MARCHF1: variants seen among roughly 807,000 people sequenced by gnomAD.
MARCHF1 encodes the protein membrane associated ring-CH-type finger 1.
A neutral mutation model predicts 54.2 loss-of-function variants in MARCHF1; 40 were observed. That is an observed-to-expected ratio of 0.74 (90% CI 0.57 to 0.96). The LOEUF is 0.96. Ranked by LOEUF, MARCHF1 falls within the 40% of genes least tolerant of loss-of-function variation. MARCHF1 has a pLI of 0.00. For missense variants in MARCHF1, 586 were observed against 656.5 expected (o/e 0.89, Z 1.17); for synonymous variants, 236 against 236.3 (o/e 1.00, Z 0.01).
intron 1 of MARCHF1, among the ~76,000 whole-genome samples, chr4:164,377,588 T>TA (rs1459815790): frequency 9.1e-6 from 1 of 110,270 alleles, no homozygotes; most frequent in Non-Finnish European, 2.0e-5. Context: ...CCTTACTTTT[T>TA]ATGCACACAC....
chr4:163,674,910 T>C (rs1386343457), intron 5 of MARCHF1, among the ~76,000 whole-genome samples: 1 of 152,172 alleles, frequency 6.6e-6, no homozygotes, highest in African/African-American at 2.4e-5. Context: ...CTGGATATAC[T>C]TGAAGAATAT....
chr4:163,763,991 G>T (rs1456581941), intron 4 of MARCHF1, among the ~76,000 whole-genome samples: 2 of 151,914 alleles, frequency 1.3e-5, no homozygotes, highest in East Asian at 1.9e-4. Flanking sequence ...TTTTCTTGTA[G>T]AACTAAATAC....
chr4:164,099,183 G>T (rs1215222392), intron 2 of MARCHF1, among the ~76,000 whole-genome samples: 1 of 152,144 alleles, frequency 6.6e-6, no homozygotes, highest in African/African-American at 2.4e-5. Flanking sequence ...ATCCACAGGA[G>T]ACCCAGAGAA....
chr4:163,952,322 G>A (rs1186765899), intron 3 of MARCHF1, among the ~76,000 whole-genome samples: 1 of 151,940 alleles, frequency 6.6e-6, no homozygotes, highest in African/African-American at 2.4e-5. Flanking sequence ...ATCTCTGTTG[G>A]GTAGACTTCT....
At chr4:163,573,447 T>A in intron 8 of MARCHF1, among the ~76,000 whole-genome samples, 1 of 143,212 alleles carries the variant, frequency 7.0e-6, no homozygotes, top group African/African-American at 2.5e-5. Context: ...TATCTCCCAG[T>A]GCTATCCCTC....
At chr4:163,732,173 A>G (rs1045926911) in intron 4 of MARCHF1, among the ~76,000 whole-genome samples, 2 of 151,378 alleles carry the variant, frequency 1.3e-5, no homozygotes, top group Non-Finnish European at 2.9e-5. Flanking sequence ...TCATATAATT[A>G]TATTATTAAT....
intron 2 of MARCHF1, among the ~76,000 whole-genome samples, chr4:164,000,438 GA>G (rs1340140293): frequency 6.6e-6 from 1 of 150,528 alleles, no homozygotes; most frequent in Non-Finnish European, 1.5e-5. Context: ...GTTTTGGATG[GA>G]AAATTCAATA....
intron 4 of MARCHF1, among the ~76,000 whole-genome samples, chr4:163,844,514 G>A (rs954067911): frequency 2.0e-5 from 3 of 152,080 alleles, no homozygotes; most frequent in African/African-American, 7.2e-5. Flanking sequence ...ATGTGACTAC[G>A]TTAATGAGGA....
intron 2 of MARCHF1, among the ~76,000 whole-genome samples, chr4:164,033,915 C>T (rs975601378): frequency 2.0e-5 from 3 of 152,104 alleles, no homozygotes; most frequent in Non-Finnish European, 2.9e-5. Context: ...CCAGTGATCT[C>T]ATTACTGGGT....
At chr4:164,263,252 C>A (rs1236622318) in intron 1 of MARCHF1, among the ~76,000 whole-genome samples, 1 of 151,984 alleles carries the variant, frequency 6.6e-6, no homozygotes. Context: ...GAAAAACACA[C>A]ATAGGGAGGA....
chr4:163,720,316 T>G (rs1230744101), intron 4 of MARCHF1, among the ~76,000 whole-genome samples: 1 of 152,238 alleles, frequency 6.6e-6, no homozygotes, highest in Non-Finnish European at 1.5e-5. Flanking sequence ...TTTGTCAGGT[T>G]TGTCAAAGAT....
chr4:163,547,706 A>G (rs1738956141), intron 8 of MARCHF1, among the ~76,000 whole-genome samples: 1 of 152,244 alleles, frequency 6.6e-6, no homozygotes, highest in Non-Finnish European at 1.5e-5. Context: ...AGTCTATGGA[A>G]TAAGAGCCTA....
intron 1 of MARCHF1, among the ~76,000 whole-genome samples, chr4:164,364,490 C>A (rs1005823016): frequency 1.3e-5 from 2 of 152,068 alleles, no homozygotes; most frequent in Non-Finnish European, 2.9e-5. Flanking sequence ...ATTTTAATGA[C>A]AAATCTACTC....
chr4:164,147,624 A>C (rs1009526469), intron 1 of MARCHF1, among the ~76,000 whole-genome samples: 3 of 142,478 alleles, frequency 2.1e-5, no homozygotes, highest in Non-Finnish European at 4.5e-5. Context: ...CTGAACAATG[A>C]GAACACATGG....
At chr4:164,181,229 C>T (rs983762609) in intron 1 of MARCHF1, among the ~76,000 whole-genome samples, 2 of 152,140 alleles carry the variant, frequency 1.3e-5, no homozygotes, top group African/African-American at 4.8e-5. Context: ...CATTGGCCTC[C>T]TTTGACTAAT....
intron 2 of MARCHF1, among the ~76,000 whole-genome samples, chr4:164,044,803 T>C (rs539878985): frequency 6.7e-6 from 1 of 149,968 alleles, no homozygotes; most frequent in Non-Finnish European, 1.5e-5. Context: ...AAGGACACTA[T>C]ATATGGACAC....
chr4:164,205,740 A>T (rs1472941677), intron 1 of MARCHF1, among the ~76,000 whole-genome samples: 3 of 152,122 alleles, frequency 2.0e-5, no homozygotes, highest in Admixed American at 6.6e-5. Flanking sequence ...AAAAAAAAAA[A>T]TTTCTCTAAC....
intron 1 of MARCHF1, among the ~76,000 whole-genome samples, chr4:164,382,141 G>A (rs892008379): frequency 3.9e-5 from 6 of 152,094 alleles, no homozygotes; most frequent in Admixed American, 6.5e-5. Flanking sequence ...ATTTAGTAAA[G>A]CCTCCCTGTA....
intron 7 of MARCHF1, among the ~76,000 whole-genome samples, chr4:163,588,400 A>G (rs1740479283): frequency 6.6e-6 from 1 of 152,216 alleles, no homozygotes; most frequent in Non-Finnish European, 1.5e-5. Context: ...CAGTAGATGT[A>G]AATTGAATAG....
Sources: gnomAD v4.1 joint callset for allele counts (sites outside exome capture counted in the v4.1 genomes callset) on GRCh38, gnomAD v4.1.1 for gene constraint, MANE v1.5 for transcripts, NCBI Gene and HGNC (gene_info 2026-07-23, HGNC 2026-07-21) for gene names.